Variants in RABGAP1L observed in about 807,000 individuals in gnomAD.
The protein encoded by RABGAP1L is rab GTPase-activating protein 1-like.
RABGAP1L carries 63 observed loss-of-function variants against 137.7 expected under a neutral mutation model. The ratio of observed to expected loss-of-function variants is 0.46; its 90% CI spans 0.37 to 0.56. The LOEUF is 0.56. Among genes scored for constraint, RABGAP1L ranks in the 20% least tolerant of loss-of-function variants. The pLI is 0.00. For missense variants in RABGAP1L, 1,095 were observed against 1,244.0 expected (o/e 0.88, Z 1.80); for synonymous variants, 431 against 433.7 (o/e 0.99, Z 0.08).
At chr1:174,840,707 T>C (rs1346932105) in intron 19 of RABGAP1L, among the ~76,000 whole-genome samples, 2 of 149,138 alleles carry the variant, frequency 1.3e-5, no homozygotes, top group Non-Finnish European at 3.0e-5. Flanking sequence ...TCCCAGCTAC[T>C]TGGGAGACTG....
chr1:174,628,417 T>C (rs189105027), intron 13 of RABGAP1L, among the ~76,000 whole-genome samples: 27 of 152,342 alleles, frequency 1.8e-4, no homozygotes, highest in African/African-American at 6.0e-4. Flanking sequence ...ATGGTTCTTA[T>C]GGAAATGGGA....
intron 7 of RABGAP1L, among the ~76,000 whole-genome samples, chr1:174,263,916 TA>T (rs1046815393): frequency 6.6e-6 from 1 of 152,118 alleles, no homozygotes; most frequent in African/African-American, 2.4e-5. Flanking sequence ...TAAGTACCTA[TA>T]AATAGGATAT....
intron 15 of RABGAP1L, among the ~76,000 whole-genome samples, chr1:174,685,715 C>CA (rs1215361776): frequency 6.6e-6 from 1 of 152,002 alleles, no homozygotes; most frequent in Non-Finnish European, 1.5e-5. Context: ...AGGCATGCGC[C>CA]ACCACACCGG....
At chr1:174,610,928 T>A (rs569588610) in intron 13 of RABGAP1L, among the ~76,000 whole-genome samples, 3 of 152,008 alleles carry the variant, frequency 2.0e-5, no homozygotes, top group Admixed American at 6.5e-5. Context: ...TAAATTTGTT[T>A]GAGTTCATTG....
Position 174,195,642 on chromosome 1 carries a change from TTCCTTCC to T in RABGAP1L, c.-33-23481_-33-23475del, listed in dbSNP as rs1453283760. The stretch of plus-strand genomic sequence containing the variant: ...CTTCCTTCCTTCCTTCCTTCCTTCC[TTCCTTCC>T]TTCCTTTCCTTTCCTTTCCTTTCCT... On this transcript the variant is annotated intron_variant, in intron 1 of 25. Transcript: ENST00000681986. Among the ~76,000 whole-genome samples the T allele has an allele frequency of 4.1e-4, 37 of 89,474 alleles. No homozygotes were observed. The East Asian group carries it at 0.013, about 32-fold the overall frequency. 58.7% of individuals were successfully genotyped at this position (89,474 alleles called of 152,430 possible). A position where few individuals can be genotyped will look rare whatever the true frequency, so the allele number is the denominator to read the frequency against.
At chr1:174,805,606 A>G (rs767668213) in intron 18 of RABGAP1L, among the ~76,000 whole-genome samples, 2 of 152,092 alleles carry the variant, frequency 1.3e-5, no homozygotes, top group East Asian at 1.9e-4. Flanking sequence ...GGTTCTTGCA[A>G]TTCTCCTGCC....
At chr1:174,789,869 C>G (rs1355276960) in intron 18 of RABGAP1L, among the ~76,000 whole-genome samples, 1 of 152,210 alleles carries the variant, frequency 6.6e-6, no homozygotes, top group Non-Finnish European at 1.5e-5. Context: ...TCTTGCTCTT[C>G]TCCACTGTAA....
In RABGAP1L at chr1:174,334,207, C is replaced by T. The variant is rs915854841; in HGVS notation, c.1465+29080C>T. Reference sequence around the variant, plus strand: ...AAATGACGGATACCCGATTCTCCCACAAAATCTACAGTCTTTTCTTGTCAG... The same window carrying T: ...AAATGACGGATACCCGATTCTCCCATAAAATCTACAGTCTTTTCTTGTCAG... On this transcript the variant is annotated intron_variant, in intron 11 of 25. Transcript: ENST00000681986. Among the ~76,000 whole-genome samples, 9 of 152,192 alleles carry T rather than the reference C, an allele frequency of 5.9e-5. No homozygotes were observed. In the East Asian group the frequency reaches 1.7e-3, roughly 29 times the overall value.
chr1:174,867,714 C>T (rs1231581060), intron 19 of RABGAP1L, among the ~76,000 whole-genome samples: 6 of 152,182 alleles, frequency 3.9e-5, no homozygotes, highest in African/African-American at 9.7e-5. Context: ...GACGTGATCT[C>T]AGCTCACTGC....
intron 13 of RABGAP1L, among the ~76,000 whole-genome samples, chr1:174,574,307 A>G (rs979049938): frequency 3.3e-5 from 5 of 152,220 alleles, no homozygotes; most frequent in African/African-American, 1.2e-4. Context: ...TGGTGACCCT[A>G]TTAGAAAGCA....
intron 11 of RABGAP1L, among the ~76,000 whole-genome samples, chr1:174,335,448 A>G (rs1015361124): frequency 5.9e-5 from 9 of 152,228 alleles, no homozygotes; most frequent in Non-Finnish European, 8.8e-5. Context: ...ATCTTTGCCT[A>G]TCTTTCAAAT....
chr1:174,435,970 A>G (rs1653238236), intron 13 of RABGAP1L, among the ~76,000 whole-genome samples: 1 of 152,060 alleles, frequency 6.6e-6, no homozygotes, highest in Non-Finnish European at 1.5e-5. Context: ...CCGTGTCCCT[A>G]CAAAGGACAT....
At position 174,408,762 on chromosome 1, in the gene RABGAP1L, G is replaced by A. The variant is rs537543652; in HGVS notation, c.1710+14617G>A. On this transcript the variant is annotated intron_variant, in intron 13 of 25. Coordinates refer to ENST00000681986, the MANE Select transcript of RABGAP1L (RefSeq NM_001366446.1). ...TTGACTTTTTAGTAATAGCCATTTT[G>A]GCTAGTATGACATGGTTTCTCATTG... Among the ~76,000 whole-genome samples, 5 of 151,936 alleles carry A rather than the reference G, an allele frequency of 3.3e-5. No homozygotes were observed. In the South Asian group the frequency reaches 1.0e-3, roughly 32 times the overall value.
intron 13 of RABGAP1L, among the ~76,000 whole-genome samples, chr1:174,478,794 T>C (rs1402166454): frequency 1.3e-5 from 2 of 152,200 alleles, no homozygotes; most frequent in African/African-American, 4.8e-5. Context: ...TTTTCAACTT[T>C]TGTGTCTTCT....
chr1:174,218,856 A>G (rs900182367), intron 1 of RABGAP1L, among the ~76,000 whole-genome samples: 6 of 152,080 alleles, frequency 3.9e-5, no homozygotes, highest in African/African-American at 1.4e-4. Flanking sequence ...GTAAACAGTG[A>G]TAAATCTGGT....
intron 20 of RABGAP1L, chr1:174,964,897 A>G: frequency 6.8e-7 from 1 of 1,465,322 alleles, no homozygotes; most frequent in Non-Finnish European, 9.1e-7. Context: ...ATATTTTAGT[A>G]GGTGTTCAAT....
intron 7 of RABGAP1L, among the ~76,000 whole-genome samples, chr1:174,256,740 C>T (rs1162586247): frequency 6.6e-6 from 1 of 152,212 alleles, no homozygotes; most frequent in Non-Finnish European, 1.5e-5. Flanking sequence ...AAGATCACGC[C>T]ATTGCACTCC....
intron 17 of RABGAP1L, among the ~76,000 whole-genome samples, chr1:174,708,559 C>T (rs955805657): frequency 2.0e-5 from 3 of 152,186 alleles, no homozygotes; most frequent in African/African-American, 7.2e-5. Flanking sequence ...ACTCCCTCCC[C>T]TAGCTGAGGG....
intron 18 of RABGAP1L, among the ~76,000 whole-genome samples, chr1:174,806,124 T>C (rs1035541077): frequency 4.6e-5 from 7 of 152,180 alleles, no homozygotes; most frequent in African/African-American, 1.7e-4. Flanking sequence ...ACAACCTATT[T>C]TGGGTACTTG....
Sources: gnomAD v4.1 joint callset for allele counts (sites outside exome capture counted in the v4.1 genomes callset) on GRCh38, gnomAD v4.1.1 for gene constraint, MANE v1.5 for transcripts, NCBI Gene and HGNC (gene_info 2026-07-23, HGNC 2026-07-21) for gene names.